CCDC85A: variants seen among roughly 807,000 people sequenced by gnomAD.
The protein encoded by CCDC85A is coiled-coil domain-containing protein 85A.
A neutral mutation model predicts 50.2 loss-of-function variants in CCDC85A; 38 were observed. The ratio of observed to expected loss-of-function variants is 0.76; its 90% confidence interval spans 0.58 to 0.99. The LOEUF (loss-of-function observed/expected upper bound fraction) is 0.99, where lower values mean the gene tolerates loss of function less well. CCDC85A is among the 50% of genes least tolerant of loss of function. CCDC85A has a pLI of 0.00. For missense variants in CCDC85A, 820 were observed against 742.0 expected (o/e 1.11, Z -1.22); for synonymous variants, 366 against 301.4 (o/e 1.21, Z -2.22).
Position 56,184,882 on chromosome 2 carries a change from C to T in CCDC85A, c.258C>T (p.Gly86=). The change falls in exon 1 of 6, where the codon GGC becomes GGT. Residue 86 remains glycine, a synonymous_variant. Transcript: ENST00000407595. ...EVNRRLQLHL[G]EIRGLKDINQ... is the part of the protein sequence containing the mutation. The stretch of plus-strand genomic sequence containing the variant: ...ACCGCCGCCTGCAGCTGCACCTCGG[C>T]GAGATCCGCGGCCTCAAGGTGAGCG... The T allele has an allele frequency of 1.3e-6, 2 of 1,522,126 alleles. No homozygotes were observed. The highest frequency in any genetic ancestry group is 1.8e-6 in the Non-Finnish European group (2 of 1,138,308). The allele number at this position is 1,522,126 out of a possible 1,614,324, so 94.3% of individuals were successfully genotyped here. A position where few individuals can be genotyped will look rare whatever the true frequency, so the allele number is the denominator to read the frequency against.
In CCDC85A at chr2:56,245,144, C is replaced by A. The variant is rs1669444922; in HGVS notation, c.1240+51704C>A. Among the ~76,000 whole-genome samples the A allele has an allele frequency of 2.0e-5, 3 of 152,176 alleles. No individual in the cohort carries two copies. The South Asian group carries it at 6.2e-4, about 32-fold the overall frequency. On this transcript the variant is annotated intron_variant, in intron 2 of 5. Transcript: ENST00000407595. ...GCCCAGCACAGCACTAGGACATGCC[C>A]AGGAGTTGCAGTCCTTGTGGTTTAG...
chr2:56,353,691 T>C (rs1675078732), intron 3 of CCDC85A, among the ~76,000 whole-genome samples: 1 of 152,246 alleles, frequency 6.6e-6, no homozygotes, highest in African/African-American at 2.4e-5. Context: ...GCCCAGTGAA[T>C]GCAGAGCTCT....
intron 2 of CCDC85A, among the ~76,000 whole-genome samples, chr2:56,316,121 C>T (rs1292198922): frequency 6.7e-6 from 1 of 149,808 alleles, no homozygotes; most frequent in Non-Finnish European, 1.5e-5. Flanking sequence ...GTCAAAATAA[C>T]TTAAGAGATT....
chr2:56,316,261 A>G (rs2104243137), intron 2 of CCDC85A, among the ~76,000 whole-genome samples: 1 of 152,274 alleles, frequency 6.6e-6, no homozygotes, highest in South Asian at 2.1e-4. Context: ...CTCTGGCAGG[A>G]CACAGTTGGC....
chr2:56,237,588 C>G (rs1283832910), intron 2 of CCDC85A, among the ~76,000 whole-genome samples: 1 of 152,158 alleles, frequency 6.6e-6, no homozygotes, highest in Non-Finnish European at 1.5e-5. Flanking sequence ...TTTATCGTCC[C>G]TATTTTAAAG....
At chr2:56,185,044 C>G (rs557933866) in intron 1 of CCDC85A, 144 bp downstream of exon 1, 1 of 1,019,682 alleles carries the variant, frequency 9.8e-7, no homozygotes, top group South Asian at 1.8e-5. Context: ...CCCCAGTCCC[C>G]AGCCCCTGTG....
intron 2 of CCDC85A, among the ~76,000 whole-genome samples, chr2:56,214,580 T>G (rs1313501084): frequency 2.6e-5 from 4 of 151,892 alleles, no homozygotes; most frequent in Non-Finnish European, 5.9e-5. Context: ...TGTGTGTTTT[T>G]TTTGGAGGGG....
chr2:56,324,990 T>C (rs895329038), intron 2 of CCDC85A, among the ~76,000 whole-genome samples: 2 of 152,086 alleles, frequency 1.3e-5, no homozygotes, highest in Non-Finnish European at 2.9e-5. Context: ...GAAATGACCA[T>C]GCACTGAAAA....
intron 2 of CCDC85A, among the ~76,000 whole-genome samples, chr2:56,301,162 T>C (rs1258025989): frequency 6.6e-6 from 1 of 152,196 alleles, no homozygotes; most frequent in Admixed American, 6.6e-5. Flanking sequence ...TTCCCTAAAA[T>C]CTTTTCTTAA....
chr2:56,206,853 T>C (rs528455896), intron 2 of CCDC85A, among the ~76,000 whole-genome samples: 1 of 152,314 alleles, frequency 6.6e-6, no homozygotes, highest in Admixed American at 6.5e-5. Flanking sequence ...TATTTTATTT[T>C]TCTTGTAAAG....
intron 2 of CCDC85A, among the ~76,000 whole-genome samples, chr2:56,196,597 T>G (rs564582843): frequency 6.6e-6 from 1 of 152,314 alleles, no homozygotes; most frequent in East Asian, 1.9e-4. Flanking sequence ...GGCAGGCCTT[T>G]GCTTTTAAAC....
At chr2:56,358,404 C>T (rs943834057) in intron 3 of CCDC85A, among the ~76,000 whole-genome samples, 3 of 152,224 alleles carry the variant, frequency 2.0e-5, no homozygotes, top group Admixed American at 1.3e-4. Flanking sequence ...TTTTCTGGTT[C>T]ATTTACTGCT....
intron 4 of CCDC85A, among the ~76,000 whole-genome samples, chr2:56,373,327 G>C (rs993741830): frequency 1.3e-5 from 2 of 151,110 alleles, no homozygotes; most frequent in African/African-American, 4.9e-5. Flanking sequence ...GTATACTCCA[G>C]GCAAAATACT....
chr2:56,342,755 T>C, intron 2 of CCDC85A, 124 bp from the exon 3 acceptor site: 1 of 547,448 alleles, frequency 1.8e-6, no homozygotes, highest in Non-Finnish European at 3.2e-6. Context: ...TATTTTTTTT[T>C]CTCATTTTAA....
At chr2:56,224,015 G>A (rs1215860359) in intron 2 of CCDC85A, among the ~76,000 whole-genome samples, 3 of 152,246 alleles carry the variant, frequency 2.0e-5, no homozygotes, top group Admixed American at 6.5e-5. Context: ...ATGGCTTTTA[G>A]TGTATATTCA....
At chr2:56,363,947 C>A (rs1675662797) in intron 3 of CCDC85A, among the ~76,000 whole-genome samples, 1 of 152,190 alleles carries the variant, frequency 6.6e-6, no homozygotes, top group African/African-American at 2.4e-5. Flanking sequence ...ATGTTCTCAG[C>A]AACAATGCCA....
At chr2:56,352,984 T>C (rs1419182721) in intron 3 of CCDC85A, among the ~76,000 whole-genome samples, 1 of 152,224 alleles carries the variant, frequency 6.6e-6, no homozygotes, top group East Asian at 1.9e-4. Context: ...TTTGTGTTTA[T>C]GTATAATTAA....
At chr2:56,284,750 T>C (rs1397695323) in intron 2 of CCDC85A, among the ~76,000 whole-genome samples, 1 of 152,212 alleles carries the variant, frequency 6.6e-6, no homozygotes, top group Non-Finnish European at 1.5e-5. Flanking sequence ...ATCAGCTTCT[T>C]TTATTTTGAA....
chr2:56,221,220 T>C (rs1668312730), intron 2 of CCDC85A, among the ~76,000 whole-genome samples: 1 of 152,092 alleles, frequency 6.6e-6, no homozygotes, highest in Non-Finnish European at 1.5e-5. Flanking sequence ...AAGGTTCTCT[T>C]GGAATTTAAA....
Sources: allele counts gnomAD v4.1 joint callset (sites outside exome capture counted in the v4.1 genomes callset), GRCh38; gene constraint gnomAD v4.1.1; transcripts MANE v1.5; gene names NCBI Gene and HGNC (gene_info 2026-07-23, HGNC 2026-07-21).